DNAH5: variants seen among roughly 807,000 people sequenced by gnomAD.
The protein encoded by DNAH5 is dynein axonemal heavy chain 5.
A neutral mutation model predicts 518.2 loss-of-function variants in DNAH5; 372 were observed. That is an observed-to-expected ratio of 0.72 (90% CI 0.66 to 0.78). The LOEUF (loss-of-function observed/expected upper bound fraction) is 0.78, where lower values mean the gene tolerates loss of function less well. Among genes scored for constraint, DNAH5 ranks in the 30% least tolerant of loss-of-function variants. DNAH5 has a pLI of 0.00. For synonymous variants in DNAH5, 2,039 were observed against 2,025.9 expected (o/e 1.01, Z -0.17); for missense variants, 5,523 against 5,687.0 (o/e 0.97, Z 0.93).
chr5:13,730,015 A>G (rs1277416412), intron 68 of DNAH5, among the ~76,000 whole-genome samples: 1 of 152,232 alleles, frequency 6.6e-6, no homozygotes, highest in African/African-American at 2.4e-5. Context: ...TTCAATACAC[A>G]CTTTATCTAG....
At chr5:13,945,301 T>C (rs1011184287), upstream of DNAH5, among the ~76,000 whole-genome samples, 5 of 152,220 alleles carry the variant, frequency 3.3e-5, no homozygotes, top group African/African-American at 1.2e-4. Flanking sequence ...GTTGGTCTTG[T>C]TGAATCTAGA....
chr5:13,822,778 G>T (rs1031872802), intron 40 of DNAH5, among the ~76,000 whole-genome samples: 2 of 152,128 alleles, frequency 1.3e-5, no homozygotes, highest in African/African-American at 2.4e-5. Context: ...ACATAGTGTG[G>T]TGGGTTCCCC....
At chr5:13,698,113 A>G (rs1231772093) in intron 78 of DNAH5, among the ~76,000 whole-genome samples, 1 of 152,182 alleles carries the variant, frequency 6.6e-6, no homozygotes, top group Non-Finnish European at 1.5e-5. Context: ...TCTGTCTCAC[A>G]TGCTTACTTC....
chr5:13,728,580 G>A (rs1266123018), intron 69 of DNAH5, among the ~76,000 whole-genome samples: 9 of 152,098 alleles, frequency 5.9e-5, no homozygotes, highest in Admixed American at 5.9e-4. Context: ...AATCCTATTG[G>A]GGAATAACCC....
At chr5:13,840,822 A>G (rs1580518683) in intron 34 of DNAH5, 84 bp downstream of exon 34, 11 of 1,136,400 alleles carry the variant, frequency 9.7e-6, no homozygotes, top group East Asian at 2.4e-5. Flanking sequence ...CTTGAATTCA[A>G]TCAAACTAGT....
Position 13,876,762 on chromosome 5 carries a change from A to G in DNAH5, c.3318T>C (p.Tyr1106=). Reference sequence around the variant, plus strand: ...CTTTGTTTTCAGAAACATTCTTATAATAGTTCTTGGTTTGCACGGGAATGG... The same window carrying G: ...CTTTGTTTTCAGAAACATTCTTATAGTAGTTCTTGGTTTGCACGGGAATGG... The part of the protein sequence containing the change: ...NLPIPVQTKN[Y]YKNVSENKEI... Residue 1106 remains tyrosine, a synonymous_variant, in exon 22 of 79, where the codon TAT becomes TAC. Coordinates refer to ENST00000265104, the MANE Select transcript of DNAH5 (RefSeq NM_001369.3). 6.2e-7 allele frequency: 1 copy of G among 1,613,896 alleles called. No individual in the cohort carries two copies. Among genetic ancestry groups the G allele is most frequent in the Admixed American group, 1.7e-5 (1 of 59,976 alleles).
intron 41 of DNAH5, among the ~76,000 whole-genome samples, chr5:13,818,766 G>A (rs1423606682): frequency 6.6e-6 from 1 of 152,136 alleles, no homozygotes; most frequent in Non-Finnish European, 1.5e-5. Flanking sequence ...GATCTTCAAA[G>A]TATGCAATAT....
chr5:13,860,145 G>T (rs1768201265), intron 29 of DNAH5, among the ~76,000 whole-genome samples: 1 of 152,152 alleles, frequency 6.6e-6, no homozygotes, highest in African/African-American at 2.4e-5. Context: ...GTACATGTGT[G>T]CAAGATTACT....
intron 24 of DNAH5, 147 bp downstream of exon 24, chr5:13,870,620 A>G: frequency 1.3e-6 from 1 of 779,188 alleles, no homozygotes; most frequent in Non-Finnish European, 2.1e-6. Flanking sequence ...GCAATGCTAT[A>G]GGGGTTCGGT....
At chr5:14,006,867 G>A (rs75703009) in intron 1 of DNAH5, among the ~76,000 whole-genome samples, 3,994 of 152,092 alleles carry the variant, frequency 0.026, 169 homozygotes, top group African/African-American at 0.091. Flanking sequence ...TCTGGTCCTC[G>A]GCCCTGGCTG....
chr5:13,866,047 A>C lies in DNAH5; in HGVS notation c.4117-141T>G, dbSNP rs1769195667. ...TAAATAGGAATACTAAGTTGGCATA[A>C]TTAATTCATAGAAACTACTTCTAAT... On this transcript the variant is annotated intron_variant, in intron 26 of 78. Transcript: ENST00000265104. 5.6e-6 allele frequency: 5 copies of C among 886,972 alleles called. No individual in the cohort carries two copies. The South Asian group carries it at 6.1e-5, about 11-fold the overall frequency. 54.9% of individuals were successfully genotyped at this position (886,972 alleles called of 1,614,324 possible).
At chr5:13,841,423 A>G (rs1351093260) in intron 33 of DNAH5, among the ~76,000 whole-genome samples, 3 of 152,178 alleles carry the variant, frequency 2.0e-5, no homozygotes, top group Non-Finnish European at 4.4e-5. Context: ...TGTTACATCA[A>G]AAGATTGATT....
At chr5:13,846,372 C>A (rs1254251370) in intron 31 of DNAH5, among the ~76,000 whole-genome samples, 5 of 152,130 alleles carry the variant, frequency 3.3e-5, no homozygotes, top group Non-Finnish European at 7.4e-5. Flanking sequence ...TATAAGGAAA[C>A]ATTTCTGTTT....
intron 68 of DNAH5, among the ~76,000 whole-genome samples, chr5:13,733,815 C>T (rs1325697184): frequency 6.6e-6 from 1 of 152,076 alleles, no homozygotes; most frequent in African/African-American, 2.4e-5. Context: ...ACCTACATTC[C>T]TTCCCTACTG....
chr5:13,970,119 C>T (rs904745435), intron 1 of DNAH5, among the ~76,000 whole-genome samples: 5 of 152,108 alleles, frequency 3.3e-5, no homozygotes, highest in African/African-American at 7.2e-5. Context: ...TATTCCTGCT[C>T]GCTTTTGGTG....
chr5:13,934,591 T>A (rs78167376), intron 1 of DNAH5, among the ~76,000 whole-genome samples: 2 of 152,128 alleles, frequency 1.3e-5, no homozygotes, highest in Non-Finnish European at 2.9e-5. Context: ...GAATAGGGTA[T>A]GGTAGTAATA....
intron 76 of DNAH5, among the ~76,000 whole-genome samples, chr5:13,705,284 C>A (rs539454987): frequency 6.6e-6 from 1 of 152,234 alleles, no homozygotes; most frequent in South Asian, 2.1e-4. Context: ...TGAGCCACTG[C>A]GCCCGGCTGC....
rs1742928093 is a variant in DNAH5, at chr5:13,707,325, C to A, written c.13338+798G>T. ...CCACTCAATAAAACCTTGCACCCGA[C>A]CTCTAAGCCCACATGTGAGGCAATT... On this transcript the variant is annotated intron_variant, in intron 76 of 78. Coordinates refer to ENST00000265104, the MANE Select transcript of DNAH5 (RefSeq NM_001369.3). This position sits in a 1 kb window ranked among gnomAD's most constrained non-coding sequence, Gnocchi z 4.0. 6.6e-6 allele frequency among the ~76,000 whole-genome samples: 1 copy of A among 152,228 alleles called. No individual in the cohort carries two copies. The highest frequency in any genetic ancestry group is 2.1e-4 in the South Asian group (1 of 4,834).
At chr5:13,879,362 T>C (rs750040509) in intron 21 of DNAH5, among the ~76,000 whole-genome samples, 3 of 152,136 alleles carry the variant, frequency 2.0e-5, no homozygotes, top group Non-Finnish European at 2.9e-5. Flanking sequence ...ATATCCTAAG[T>C]CAATAATGCA....
Sources: allele counts gnomAD v4.1 joint callset (sites outside exome capture counted in the v4.1 genomes callset), GRCh38; gene constraint gnomAD v4.1.1; non-coding constraint Gnocchi (gnomAD v3.1); transcripts MANE v1.5; gene names NCBI Gene and HGNC (gene_info 2026-07-23, HGNC 2026-07-21).